The following CCDC17 variants were observed in gnomAD, a reference collection of about 807,000 sequenced individuals.
CCDC17 encodes coiled-coil domain containing 17, also known as coiled-coil domain-containing protein 17.
CCDC17 carries 79 observed loss-of-function variants against 68.0 expected under a neutral mutation model. The ratio of observed to expected loss-of-function variants is 1.16; its 90% CI spans 0.97 to 1.40. The LOEUF is 1.40. CCDC17 is among the 40% of genes most tolerant of loss of function. The pLI, the probability that CCDC17 is intolerant of heterozygous loss-of-function variation, is 0.00. For missense variants in CCDC17, 846 were observed against 811.5 expected (o/e 1.04, Z -0.52); for synonymous variants, 376 against 337.5 (o/e 1.11, Z -1.25).
Position 45,622,658 on chromosome 1 carries a change from C to G in CCDC17, c.750G>C (p.Arg250=). Residue 250 remains arginine, a synonymous_variant, in exon 6 of 13, where the codon CGG becomes CGC. Coordinates refer to ENST00000528266, the MANE Select transcript of CCDC17 (RefSeq NM_001114938.3). ...GTLAAEIRAL[R]EAYIRDGGRD... Reference sequence around the variant, plus strand: ...GGCCCCCGTCTCGAATGTAGGCCTCCCGCAGCGCCCTAGGGAGTGGGGAAC... The same window carrying G: ...GGCCCCCGTCTCGAATGTAGGCCTCGCGCAGCGCCCTAGGGAGTGGGGAAC... The G allele has an allele frequency of 6.4e-7, 1 of 1,554,808 alleles. No individual in the cohort carries two copies. The highest frequency in any genetic ancestry group is 8.7e-7 in the Non-Finnish European group (1 of 1,148,936).
At position 45,623,668 on chromosome 1, in the gene CCDC17, A is replaced by G; in HGVS notation, c.175-16T>C. The G allele has an allele frequency of 6.4e-7, 1 of 1,551,604 alleles. No homozygotes were observed. ...GTGGCACAACCTGGGGATAGGGTGTAGTAGGATGAGGAATCATAAAGGTCC... is the reference window on the plus strand; with the variant it reads ...GTGGCACAACCTGGGGATAGGGTGTGGTAGGATGAGGAATCATAAAGGTCC... On this transcript the variant is annotated splice_polypyrimidine_tract_variant and intron_variant, in intron 1 of 12. Coordinates refer to ENST00000528266, the MANE Select transcript of CCDC17 (RefSeq NM_001114938.3).
At position 45,622,287 on chromosome 1, in the gene CCDC17, C is replaced by T. The variant is rs1229922412; in HGVS notation, c.921G>A (p.Glu307=). The change falls in exon 7 of 13, where the codon GAG becomes GAA. Residue 307 remains glutamate (E), a synonymous_variant. Coordinates refer to ENST00000528266, the MANE Select transcript of CCDC17 (RefSeq NM_001114938.3). ...GCATTTGCAAGGCCAAGATTTCTGC[C>T]TCCAAGCGCCGGTTTTCAGCCTCCA... The part of the protein sequence containing the change: ...PVVEAENRRL[E]AEILALQMQR... 1.4e-5 allele frequency: 23 copies of T among 1,612,324 alleles called. No individual in the cohort carries two copies. Among genetic ancestry groups the T allele is most frequent in the Non-Finnish European group, 1.9e-5 (22 of 1,179,332 alleles).
chr1:45,620,404 G>C lies in CCDC17; in HGVS notation c.1740C>G (p.Ser580Arg). The C allele has an allele frequency of 1.3e-6, 2 of 1,593,796 alleles. No homozygotes were observed. The highest frequency in any genetic ancestry group is 2.2e-5 in the East Asian group (1 of 44,564). ...CAAAGCCAACTGCGGGGGTGAGGAA[G>C]CTGGCTTCCAGTGAAGATGTGCTGG... Reference protein sequence around the residue: ...PVSSTSSLEASFLTPAVGFAD... With the variant: ...PVSSTSSLEARFLTPAVGFAD... Residue 580 changes from serine to arginine, a missense_variant, in exon 13 of 13, where the codon AGC (serine) becomes AGG (arginine). By Grantham distance (110) the Ser-to-Arg change is moderately radical. Coordinates refer to ENST00000528266, the MANE Select transcript of CCDC17 (RefSeq NM_001114938.3).
intron 9 of CCDC17, 77 bp from the exon 10 acceptor site, chr1:45,621,561 A>G (rs1644256873): frequency 1.9e-6 from 3 of 1,585,408 alleles, no homozygotes; most frequent in South Asian, 1.1e-5. Context: ...CCCTAACCCT[A>G]TCTGGTCCTA....
chr1:45,620,387 A>G lies in CCDC17; in HGVS notation c.1757T>C (p.Val586Ala), dbSNP rs373022295. 3.7e-6 allele frequency: 6 copies of G among 1,601,618 alleles called. No individual in the cohort carries two copies. Among genetic ancestry groups the G allele is most frequent in the Non-Finnish European group, 3.4e-6 (4 of 1,175,674 alleles). Residue 586 changes from valine (V) to alanine (A), a missense_variant, in exon 13 of 13, where the codon GTT becomes GCT. Transcript: ENST00000528266. The part of the protein sequence containing the change: ...SLEASFLTPA[V>A]GFADPPPRTE... ...ACGAGGTGGGGGATCAGCAAAGCCA[A>G]CTGCGGGGGTGAGGAAGCTGGCTTC... is the stretch of plus-strand genomic sequence containing the variant.
intron 12 of CCDC17, 55 bp from the exon 13 acceptor site, chr1:45,620,488 G>A (rs1464043325): frequency 1.3e-6 from 2 of 1,483,546 alleles, no homozygotes; most frequent in East Asian, 2.5e-5. Context: ...TAAGCACACA[G>A]GTTTTGGAGT....
At chr1:45,620,587 C>A (rs1438323043) in intron 12 of CCDC17, 136 bp downstream of exon 12, 4 of 1,495,166 alleles carry the variant, frequency 2.7e-6, no homozygotes, top group Non-Finnish European at 3.6e-6. Flanking sequence ...AGTAGGACTT[C>A]ATAGAGATGT....
At chr1:45,622,520 C>A in intron 6 of CCDC17, 29 bp downstream of exon 6, 1 of 1,545,522 alleles carries the variant, frequency 6.5e-7, no homozygotes, top group South Asian at 1.2e-5. Flanking sequence ...CAGGACTGAC[C>A]ACCGCTGGCG....
chr1:45,623,906 C>T lies in CCDC17; in HGVS notation c.4G>A (p.Asp2Asn), dbSNP rs1205864888. The T allele has an allele frequency of 6.6e-7, 1 of 1,513,884 alleles. No homozygotes were observed. Among genetic ancestry groups the T allele is most frequent in the Non-Finnish European group, 8.8e-7 (1 of 1,131,198 alleles). 93.8% of individuals were successfully genotyped at this position (1,513,884 alleles called of 1,614,324 possible). Residue 2 changes from aspartate to asparagine, a missense_variant, in exon 1 of 13, where the codon GAC becomes AAC. By Grantham distance (23) the Asp-to-Asn change is conservative. Transcript: ENST00000528266. Reference sequence around the variant, plus strand: ...AGCGCAGGCTCCCCAGAGTGGGAGTCCATGGGATGGGACCCGTTTCCTGAA... The same window carrying T: ...AGCGCAGGCTCCCCAGAGTGGGAGTTCATGGGATGGGACCCGTTTCCTGAA... M[D>N]SHSGEPALLP...
intron 12 of CCDC17, 98 bp from the exon 13 acceptor site, chr1:45,620,531 G>A (rs1456876649): frequency 1.6e-5 from 24 of 1,469,362 alleles, no homozygotes; most frequent in Middle Eastern, 3.7e-4. Context: ...CACTTACTGT[G>A]AACCAAGTTA....
At position 45,622,304 on chromosome 1, in the gene CCDC17, C is replaced by T. The variant is rs1644294405; in HGVS notation, c.904G>A (p.Glu302Lys). ...TSGELPVVEA[E>K]NRRLEAEILA... ...ATTTCTGCCTCCAAGCGCCGGTTTT[C>T]AGCCTCCACTACTGGAAGCTCCCCT... is the stretch of plus-strand genomic sequence containing the variant. The change falls in exon 7 of 13, where the codon GAA (glutamate) becomes AAA (lysine). Residue 302 changes from glutamate (E) to lysine (K), a missense_variant. Glu to Lys is a moderately conservative substitution (Grantham distance 56). Coordinates refer to ENST00000528266, the MANE Select transcript of CCDC17 (RefSeq NM_001114938.3). The T allele has an allele frequency of 6.2e-7, 1 of 1,612,272 alleles. No individual in the cohort carries two copies. The highest frequency in any genetic ancestry group is 1.1e-5 in the South Asian group (1 of 90,920).
chr1:45,622,050 G>A (rs200429214), intron 7 of CCDC17, 55 bp from the exon 8 acceptor site: 3 of 1,509,720 alleles, frequency 2.0e-6, no homozygotes, highest in East Asian at 2.4e-5. Flanking sequence ...GTAATTAGCT[G>A]AGATACCCCT....
In CCDC17 at chr1:45,620,412, C is replaced by T; in HGVS notation, c.1732G>A (p.Glu578Lys). The T allele has an allele frequency of 1.9e-6, 3 of 1,585,738 alleles. No individual in the cohort carries two copies. Among genetic ancestry groups the T allele is most frequent in the Non-Finnish European group, 2.6e-6 (3 of 1,169,286 alleles). ...PPPVSSTSSL[E>K]ASFLTPAVGF... is the part of the protein sequence containing the mutation. ...ACTGCGGGGGTGAGGAAGCTGGCTT[C>T]CAGTGAAGATGTGCTGGACACCTGT... The change falls in exon 13 of 13, where the codon GAA (glutamate) becomes AAA (lysine). Residue 578 changes from glutamate to lysine, a missense_variant. Glu to Lys is a moderately conservative substitution (Grantham distance 56). Transcript: ENST00000528266.
chr1:45,622,224 T>C lies in CCDC17; in HGVS notation c.967+17A>G. On this transcript the variant is annotated intron_variant, in intron 7 of 12. Transcript: ENST00000528266. The stretch of plus-strand genomic sequence containing the variant: ...GAGAGATAAGTGGGATGGGATAGGG[T>C]TGGGGTGCTCACTGACCCAAGGGTG... The C allele has an allele frequency of 6.2e-7, 1 of 1,604,598 alleles. No homozygotes were observed. Among genetic ancestry groups the C allele is most frequent in the East Asian group, 2.2e-5 (1 of 44,664 alleles).
chr1:45,621,839 C>T (rs368799937), intron 8 of CCDC17, 38 bp downstream of exon 8: 29 of 1,593,340 alleles, frequency 1.8e-5, no homozygotes, highest in African/African-American at 1.5e-4. Flanking sequence ...CAACCCACCC[C>T]GTGTCCTCAC....
In CCDC17 at chr1:45,622,657, C is replaced by T. The variant is rs1209985069; in HGVS notation, c.751G>A (p.Glu251Lys). 6.4e-7 allele frequency: 1 copy of T among 1,554,734 alleles called. No individual in the cohort carries two copies. Among genetic ancestry groups the T allele is most frequent in the East Asian group, 2.4e-5 (1 of 41,162 alleles). Reference protein sequence around the residue: ...TLAAEIRALREAYIRDGGRDP... With the variant: ...TLAAEIRALRKAYIRDGGRDP... The stretch of plus-strand genomic sequence containing the variant: ...CGGCCCCCGTCTCGAATGTAGGCCT[C>T]CCGCAGCGCCCTAGGGAGTGGGGAA... Residue 251 changes from glutamate to lysine, a missense_variant, in exon 6 of 13, where the codon GAG becomes AAG. Glu to Lys is a moderately conservative substitution (Grantham distance 56). Transcript: ENST00000528266.
rs761678926 is a variant in CCDC17, at chr1:45,623,063, A to G, written c.548T>C (p.Leu183Pro). 2.3e-5 allele frequency: 37 copies of G among 1,608,854 alleles called. No individual in the cohort carries two copies. The African/African-American group carries it at 4.3e-4, about 19-fold the overall frequency. The change falls in exon 4 of 13, where the codon CTC becomes CCC. Residue 183 changes from leucine to proline, a missense_variant. Transcript: ENST00000528266. Reference protein sequence around the residue: ...VACTRGGMSRLFGLEQEIREL... With the variant: ...VACTRGGMSRPFGLEQEIREL... ...TCGAATCTCCTGCTCCAGGCCGAAG[A>G]GGCGGGACATCCCGCCCCGCGTACA...
chr1:45,623,490 G>A (rs1644352517), intron 2 of CCDC17, 51 bp from the exon 3 acceptor site: 5 of 1,549,240 alleles, frequency 3.2e-6, no homozygotes, highest in African/African-American at 2.7e-5. Context: ...TCTGTCCCAA[G>A]TATGATCTAC....
rs770745084 is a variant in CCDC17, at chr1:45,621,399, C to T, written c.1270G>A (p.Asp424Asn). The T allele has an allele frequency of 6.9e-6, 11 of 1,595,276 alleles. No homozygotes were observed. The highest frequency in any genetic ancestry group is 4.6e-5 in the East Asian group (2 of 43,940). ...WVQLRTGLAR[D>N]GRDTGRTTAL... The stretch of plus-strand genomic sequence containing the variant: ...GTGGTCCTTCCTGTATCCCGTCCAT[C>T]GCGTGCCAAGCCAGTCCTTAGTTGC... The change falls in exon 10 of 13, where the codon GAT becomes AAT. Residue 424 changes from aspartate (D) to asparagine (N), a missense_variant. By Grantham distance (23) the Asp-to-Asn change is conservative. Transcript: ENST00000528266.
Sources: allele counts gnomAD v4.1 joint callset, GRCh38; gene constraint gnomAD v4.1.1; transcripts MANE v1.5; gene names NCBI Gene and HGNC (gene_info 2026-07-23, HGNC 2026-07-21).